The following RPL6 variants were observed in gnomAD, a reference collection of about 807,000 sequenced individuals.
RPL6 encodes the protein ribosomal protein L6.
Under a neutral mutation model 32.1 loss-of-function variants are expected in RPL6, and 1 was observed. That is an observed-to-expected ratio of 0.03 (90% confidence interval 0.01 to 0.15). The LOEUF (loss-of-function observed/expected upper bound fraction) is 0.15, where lower values mean the gene tolerates loss of function less well. Among genes scored for constraint, RPL6 ranks in the 10% least tolerant of loss-of-function variants. The probability of loss-of-function intolerance (pLI) is 1.00; values close to 1 mark genes in which losing one functional copy is unlikely to be tolerated. For synonymous variants in RPL6, 126 were observed against 131.6 expected (o/e 0.96, Z 0.29); for missense variants, 275 against 354.6 (o/e 0.78, Z 1.80).
At chr12:112,406,073 G>T in intron 5 of RPL6, 36 bp from the exon 6 acceptor site, 1 of 1,550,574 alleles carries the variant, frequency 6.4e-7, no homozygotes, top group Non-Finnish European at 8.8e-7. Flanking sequence ...AGGAAAAGGG[G>T]GAAGAATCAT....
intron 6 of RPL6, 83 bp from the exon 7 acceptor site, chr12:112,405,459 G>T: frequency 3.1e-6 from 4 of 1,304,538 alleles, no homozygotes; most frequent in Non-Finnish European, 4.3e-6. Context: ...TGTCTCACAA[G>T]TACTAATCCC....
At chr12:112,415,713 C>T (rs2037399080) in intron 1 of RPL6, among the ~76,000 whole-genome samples, 1 of 151,680 alleles carries the variant, frequency 6.6e-6, no homozygotes. Flanking sequence ...GAGACTCCAA[C>T]TCAAACAAAA....
upstream of RPL6, among the ~76,000 whole-genome samples, chr12:112,414,312 G>A (rs1230865698): frequency 3.3e-5 from 5 of 152,194 alleles, no homozygotes; most frequent in African/African-American, 1.2e-4. Context: ...AACAGGGGAG[G>A]GGAGTGACGT....
Position 112,406,767 on chromosome 12 carries a change from T to C in RPL6, c.460A>G (p.Thr154Ala), listed in dbSNP as rs769088438. ...CTCACCTTGCCCCTGTGGCGTCCAG[T>C]GAGGATGATCAGAATGGTCCCGGGG... The part of the protein sequence containing the change: ...ITPGTILIIL[T>A]GRHRGKRVVF... The change falls in exon 4 of 7, where the codon ACT (threonine) becomes GCT (alanine). Residue 154 changes from threonine to alanine, a missense_variant. Physicochemically the swap from Thr to Ala is moderately conservative, Grantham distance 58. Coordinates refer to ENST00000202773, the MANE Select transcript of RPL6 (RefSeq NM_000970.6). 1 of 1,614,104 alleles carries C rather than the reference T, an allele frequency of 6.2e-7. No homozygotes were observed. The highest frequency in any genetic ancestry group is 1.3e-5 in the African/African-American group (1 of 74,948).
chr12:112,406,718 T>C (rs2037179735), intron 4 of RPL6, 29 bp downstream of exon 4: 2 of 1,611,876 alleles, frequency 1.2e-6, no homozygotes, highest in African/African-American at 1.3e-5. Context: ...GCAGCTGCAG[T>C]GAAGCGCCCC....
At chr12:112,408,745 G>C in intron 1 of RPL6, 89 bp from the exon 2 acceptor site, 1 of 1,163,078 alleles carries the variant, frequency 8.6e-7, no homozygotes, top group Admixed American at 2.4e-5. Flanking sequence ...GAATGGGCTG[G>C]GCTCCCCAGA....
chr12:112,406,489 GCTA>G (rs1170013797), intron 4 of RPL6, 147 bp from the exon 5 acceptor site: 3 of 809,492 alleles, frequency 3.7e-6, no homozygotes, highest in Non-Finnish European at 5.9e-6. Context: ...ACCACAGCAA[GCTA>G]CTAAGGTAGT....
intron 5 of RPL6, 89 bp from the exon 6 acceptor site, chr12:112,406,126 C>G: frequency 7.7e-7 from 1 of 1,292,394 alleles, no homozygotes; most frequent in Non-Finnish European, 1.1e-6. Flanking sequence ...TGTTGCTACA[C>G]AAAGAAGACC....
At chr12:112,413,278 T>G (rs986172383), upstream of RPL6, among the ~76,000 whole-genome samples, 6 of 152,234 alleles carry the variant, frequency 3.9e-5, no homozygotes, top group African/African-American at 1.4e-4. Context: ...GGCTCACGCC[T>G]GTAATCCCAG....
chr12:112,418,825 G>A (rs377496292), exon 1 of RPL6: 2 of 479,868 alleles, frequency 4.2e-6, no homozygotes, highest in Non-Finnish European at 7.4e-6. Flanking sequence ...GCCGTCGCTC[G>A]GTCCTCCGCT....
chr12:112,412,761 TA>T (rs2037356164), upstream of RPL6, among the ~76,000 whole-genome samples: 1 of 151,952 alleles, frequency 6.6e-6, no homozygotes, highest in South Asian at 2.1e-4. Flanking sequence ...CCATCTCTGC[TA>T]AAAATACAAA....
chr12:112,409,366 G>C, intron 1 of RPL6: 1 of 397,160 alleles, frequency 2.5e-6, no homozygotes, highest in Non-Finnish European at 4.4e-6. Flanking sequence ...CAGCCCAAGA[G>C]AGTGGCGAAG....
intron 1 of RPL6, 97 bp from the exon 2 acceptor site, chr12:112,408,753 A>G: frequency 9.7e-7 from 1 of 1,032,906 alleles, no homozygotes; most frequent in Non-Finnish European, 1.4e-6. Context: ...TGGGCTCCCC[A>G]GACTACAATC....
chr12:112,413,863 TA>T (rs749770603), upstream of RPL6, among the ~76,000 whole-genome samples: 878 of 131,600 alleles, frequency 6.7e-3, 1 homozygote, highest in East Asian at 0.01. Flanking sequence ...CTGTCTGTAT[TA>T]AAAAAAAAAA....
chr12:112,407,476 C>G (rs553465317), intron 3 of RPL6: 1 of 153,014 alleles, frequency 6.5e-6, no homozygotes, highest in South Asian at 2.1e-4. Flanking sequence ...TCACCACAAA[C>G]ATGATCACCT....
upstream of RPL6, among the ~76,000 whole-genome samples, chr12:112,413,390 T>G (rs2037362851): frequency 6.6e-6 from 1 of 151,946 alleles, no homozygotes; most frequent in East Asian, 1.9e-4. Flanking sequence ...ACAAAAAAAT[T>G]AGCCGGGCAT....
In RPL6 at chr12:112,408,673, G is replaced by T. The variant is rs752949655; in HGVS notation, c.1-17C>A. ...ACCCGCCATCTAAAAATATTTTTTT[G>T]TAGATAAAAAAAGGCATTTCACCAG... On this transcript the variant is annotated splice_polypyrimidine_tract_variant and intron_variant, in intron 1 of 6. Coordinates refer to ENST00000202773, the MANE Select transcript of RPL6 (RefSeq NM_000970.6). 3.9e-6 allele frequency: 6 copies of T among 1,554,102 alleles called. No homozygotes were observed. In the South Asian group the frequency reaches 7.2e-5, roughly 19 times the overall value.
At chr12:112,407,109 G>C in intron 3 of RPL6, 1 of 481,364 alleles carries the variant, frequency 2.1e-6, no homozygotes, top group Non-Finnish European at 3.7e-6. Flanking sequence ...TGAATGAGAT[G>C]TGTGCTCAAG....
At chr12:112,411,467 G>C (rs949287976), upstream of RPL6, 7 of 152,166 alleles carry the variant, frequency 4.6e-5, no homozygotes, top group African/African-American at 1.7e-4. Flanking sequence ...ACAATGATCA[G>C]ATGAACACTG....
Sources: gnomAD v4.1 joint callset for allele counts (sites outside exome capture counted in the v4.1 genomes callset) on GRCh38, gnomAD v4.1.1 for gene constraint, MANE v1.5 for transcripts, NCBI Gene and HGNC (gene_info 2026-07-23, HGNC 2026-07-21) for gene names.